ATF7IP2: variants seen among roughly 807,000 people sequenced by gnomAD.
The protein encoded by ATF7IP2 is activating transcription factor 7-interacting protein 2.
Under a neutral mutation model 64.2 loss-of-function variants are expected in ATF7IP2, and 42 were observed. The ratio of observed to expected loss-of-function variants is 0.65; its 90% CI spans 0.51 to 0.85. ATF7IP2 has a LOEUF of 0.85. Among genes scored for constraint, ATF7IP2 ranks in the 40% least tolerant of loss-of-function variants. ATF7IP2 has a pLI of 0.00. For missense variants in ATF7IP2, 933 were observed against 784.2 expected (o/e 1.19, Z -2.27); for synonymous variants, 308 against 272.8 (o/e 1.13, Z -1.27).
intron 9 of ATF7IP2, among the ~76,000 whole-genome samples, chr16:10,458,680 A>C (rs1300818746): frequency 6.6e-6 from 1 of 152,244 alleles, no homozygotes; most frequent in Non-Finnish European, 1.5e-5. Context: ...GAATAGAAAA[A>C]AAGGGAATGT....
intron 3 of ATF7IP2, among the ~76,000 whole-genome samples, 196 bp downstream of exon 3, chr16:10,419,819 A>G (rs777777225): frequency 6.6e-6 from 1 of 152,212 alleles, no homozygotes; most frequent in Non-Finnish European, 1.5e-5. Flanking sequence ...AAACACAAGC[A>G]TAACCTCTAC....
At chr16:10,387,410 A>G (rs552294374) in intron 1 of ATF7IP2, 1 of 152,346 alleles carries the variant, frequency 6.6e-6, no homozygotes, top group South Asian at 2.1e-4. Flanking sequence ...ACCACATCCT[A>G]AGATTGACTT....
chr16:10,445,711 TGG>T (rs1213021426), intron 8 of ATF7IP2: 2 of 152,224 alleles, frequency 1.3e-5, no homozygotes, highest in African/African-American at 4.8e-5. Context: ...TTCTTTATGT[TGG>T]TCAGGCTGGT....
chr16:10,427,920 T>C (rs988825580), intron 3 of ATF7IP2, among the ~76,000 whole-genome samples: 3 of 151,934 alleles, frequency 2.0e-5, no homozygotes, highest in African/African-American at 7.2e-5. Context: ...AAACAAATTT[T>C]GGTATATCTA....
At chr16:10,419,343 A>G (rs967672798) in intron 2 of ATF7IP2, among the ~76,000 whole-genome samples, 9 of 152,166 alleles carry the variant, frequency 5.9e-5, no homozygotes, top group African/African-American at 2.2e-4. Flanking sequence ...TGTGGGTGAG[A>G]CGGGCCTCTA....
chr16:10,469,047 G>A (rs921259872), intron 9 of ATF7IP2, among the ~76,000 whole-genome samples: 3 of 152,114 alleles, frequency 2.0e-5, no homozygotes, highest in African/African-American at 4.8e-5. Flanking sequence ...ACACTCTTCT[G>A]AAGAAATGAA....
Position 10,418,844 on chromosome 16 carries a change from G to T in ATF7IP2, c.-202-737G>T, listed in dbSNP as rs529810176. 6.3e-4 allele frequency among the ~76,000 whole-genome samples: 96 copies of T among 152,284 alleles called. 1 individual carries two copies. Among genetic ancestry groups the T allele is most frequent in the African/African-American group, 2.1e-3 (86 of 41,550 alleles). On this transcript the variant is annotated intron_variant, in intron 2 of 13. Transcript: ENST00000562102. ...GGGCCATATCATTTGAGGTTGAGGT[G>T]CCACTATACTGCCGTGTTTCCAGAT...
chr16:10,468,985 A>G (rs933311271), intron 9 of ATF7IP2, among the ~76,000 whole-genome samples: 2 of 152,238 alleles, frequency 1.3e-5, no homozygotes, highest in African/African-American at 2.4e-5. Context: ...GCAAGCTTCA[A>G]AGGAATCAGG....
Position 10,464,375 on chromosome 16 carries a change from G to A in ATF7IP2, c.1352+6846G>A, listed in dbSNP as rs1019275579. Among the ~76,000 whole-genome samples, 20 of 152,220 alleles carry A rather than the reference G, an allele frequency of 1.3e-4. No individual in the cohort carries two copies. The South Asian group carries it at 1.9e-3, about 14-fold the overall frequency. On this transcript the variant is annotated intron_variant, in intron 9 of 13. Transcript: ENST00000562102. ...AGATTTTATAATTGTTTTTTCTCAT[G>A]CCACAGGTATTGAAGGAATTAGTGC...
Position 10,457,524 on chromosome 16 carries a change from T to G in ATF7IP2, c.1347T>G (p.Ser449=), listed in dbSNP as rs1200622088. 6.4e-7 allele frequency: 1 copy of G among 1,565,322 alleles called. No homozygotes were observed. Among genetic ancestry groups the G allele is most frequent in the East Asian group, 2.3e-5 (1 of 43,608 alleles). ...CATCAGATCAAAATAAGTCTGTTTC[T>G]GAAAGGTAGGTGTTTCTGCAAAAAT... The part of the protein sequence containing the change: ...NLSSDQNKSV[S]ESNNDDVMLI... Residue 449 remains serine, a synonymous_variant, in exon 9 of 14, where the codon TCT becomes TCG. Coordinates refer to ENST00000562102, the MANE Select transcript of ATF7IP2 (RefSeq NM_001393719.1).
intron 8 of ATF7IP2, among the ~76,000 whole-genome samples, chr16:10,452,424 A>T (rs1031910851): frequency 6.6e-6 from 1 of 152,124 alleles, no homozygotes; most frequent in Non-Finnish European, 1.5e-5. Flanking sequence ...CCTGGGTATC[A>T]CCAGCAGAGG....
intron 8 of ATF7IP2, among the ~76,000 whole-genome samples, chr16:10,442,335 C>A (rs942634893): frequency 6.6e-6 from 1 of 152,160 alleles, no homozygotes; most frequent in Non-Finnish European, 1.5e-5. Flanking sequence ...TCTAACATGT[C>A]TTGACTTTGC....
intron 8 of ATF7IP2, among the ~76,000 whole-genome samples, chr16:10,455,044 G>A (rs2049121965): frequency 6.6e-6 from 1 of 152,150 alleles, no homozygotes; most frequent in Non-Finnish European, 1.5e-5. Flanking sequence ...TAAATGTCAT[G>A]TTTGAGTTAA....
chr16:10,449,957 G>T (rs928912318), intron 8 of ATF7IP2, among the ~76,000 whole-genome samples: 1 of 152,144 alleles, frequency 6.6e-6, no homozygotes, highest in South Asian at 2.1e-4. Flanking sequence ...TGGGCATTTA[G>T]TGCTATAAAT....
chr16:10,390,439 C>G (rs1234007525), intron 1 of ATF7IP2, among the ~76,000 whole-genome samples: 1 of 152,026 alleles, frequency 6.6e-6, no homozygotes, highest in Non-Finnish European at 1.5e-5. Flanking sequence ...GTGGGCTCAA[C>G]TAAAGTAGGG....
intron 8 of ATF7IP2, among the ~76,000 whole-genome samples, chr16:10,442,314 C>A (rs1352842743): frequency 1.3e-5 from 2 of 152,164 alleles, no homozygotes; most frequent in Admixed American, 1.3e-4. Flanking sequence ...ACACTTTATT[C>A]TTCAAACTTA....
intron 2 of ATF7IP2, among the ~76,000 whole-genome samples, chr16:10,417,967 C>G (rs2047912457): frequency 6.6e-6 from 1 of 152,178 alleles, no homozygotes; most frequent in Non-Finnish European, 1.5e-5. Flanking sequence ...CGTGGAGACC[C>G]TAACCCAGTG....
At chr16:10,420,650 G>A (rs1596471880) in intron 3 of ATF7IP2, among the ~76,000 whole-genome samples, 1 of 152,188 alleles carries the variant, frequency 6.6e-6, no homozygotes, top group East Asian at 1.9e-4. Flanking sequence ...ATGTAAAAGG[G>A]TGCATTCTAC....
At chr16:10,405,820 G>A (rs974853749) in intron 1 of ATF7IP2, among the ~76,000 whole-genome samples, 7 of 152,184 alleles carry the variant, frequency 4.6e-5, no homozygotes, top group Admixed American at 4.6e-4. Flanking sequence ...CTGTTGAGCT[G>A]CCAACTCTGT....
Sources: gnomAD v4.1 joint callset for allele counts (sites outside exome capture counted in the v4.1 genomes callset) on GRCh38, gnomAD v4.1.1 for gene constraint, MANE v1.5 for transcripts, NCBI Gene and HGNC (gene_info 2026-07-23, HGNC 2026-07-21) for gene names.